The following ABCA8 variants were observed in gnomAD, a reference collection of about 807,000 sequenced individuals.
ABCA8 encodes the protein ATP binding cassette subfamily A member 8, also known as ABC-type organic anion transporter ABCA8.
In ABCA8, 177 loss-of-function variants were observed where a neutral mutation model predicts 192.3. The observed-to-expected ratio is 0.92, with a 90% CI of 0.81 to 1.04. The LOEUF is 1.04. Among genes scored for constraint, ABCA8 ranks in the 50% least tolerant of loss-of-function variants. ABCA8 has a pLI of 0.00. For synonymous variants in ABCA8, 642 were observed against 690.2 expected, an observed-to-expected ratio of 0.93 and a Z score of 1.09; for missense variants, 1,915 against 1,904.8, an observed-to-expected ratio of 1.01 and a Z score of -0.10.
chr17:68,902,517 A>C (rs954375967), intron 21 of ABCA8, among the ~76,000 whole-genome samples, 196 bp downstream of exon 21: 1 of 152,218 alleles, frequency 6.6e-6, no homozygotes, highest in Admixed American at 6.5e-5. Flanking sequence ...AGATGCCACC[A>C]GATGTTTCTC....
At chr17:68,938,607 A>G (rs1054604970) in intron 4 of ABCA8, among the ~76,000 whole-genome samples, 1 of 152,132 alleles carries the variant, frequency 6.6e-6, no homozygotes, top group Non-Finnish European at 1.5e-5. Context: ...ATACCATAAT[A>G]TTCACCCTTT....
At chr17:68,946,341 C>T (rs1390040597) in intron 2 of ABCA8, among the ~76,000 whole-genome samples, 2 of 152,150 alleles carry the variant, frequency 1.3e-5, no homozygotes, top group African/African-American at 2.4e-5. Flanking sequence ...GCTGGGATTA[C>T]AGGCGTGAGC....
rs752398782 is a variant in ABCA8 at position 68,868,317 on chromosome 17, T to C, written c.4751A>G (p.Gln1584Arg). ...SFDLEEYSLS[Q>R]STLEQVFLEL... ...ATGACCCACCTGCTCCAGGGTAGAC[T>C]GTGAGAGGCTGTACTCCTCTAGGTC... The change falls in exon 39 of 40, where the codon CAG becomes CGG. Residue 1584 changes from glutamine (Q) to arginine (R), a missense_variant. Coordinates refer to ENST00000586539, the MANE Select transcript of ABCA8 (RefSeq NM_001288985.2). 14 of 1,613,760 alleles carry C rather than the reference T, an allele frequency of 8.7e-6. No homozygotes were observed. Among genetic ancestry groups the C allele is most frequent in the Non-Finnish European group, 1.2e-5 (14 of 1,179,736 alleles).
chr17:68,869,634 G>T, intron 38 of ABCA8, 66 bp downstream of exon 38: 1 of 1,106,506 alleles, frequency 9.0e-7, no homozygotes, highest in South Asian at 1.3e-5. Flanking sequence ...TTGTCATAAA[G>T]GTGATTATTT....
intron 18 of ABCA8, among the ~76,000 whole-genome samples, chr17:68,906,643 T>C (rs956827623): frequency 6.6e-6 from 1 of 152,066 alleles, no homozygotes; most frequent in Non-Finnish European, 1.5e-5. Context: ...AGAGAAGACA[T>C]AGAATATAAA....
At chr17:68,875,577 C>G in intron 36 of ABCA8, 37 bp downstream of exon 36, 1 of 1,608,134 alleles carries the variant, frequency 6.2e-7, no homozygotes, top group Non-Finnish European at 8.5e-7. Context: ...CAGCAATGCA[C>G]CTTGGGCTCA....
At chr17:68,941,433 T>C (rs780782229) in intron 3 of ABCA8, among the ~76,000 whole-genome samples, 37 of 152,188 alleles carry the variant, frequency 2.4e-4, no homozygotes, top group Non-Finnish European at 5.0e-4. Flanking sequence ...TATACCAAAG[T>C]TTAATCAAGA....
chr17:68,869,821 C>T (rs1400643010), intron 37 of ABCA8, 42 bp from the exon 38 acceptor site: 2 of 1,371,040 alleles, frequency 1.5e-6, no homozygotes, highest in Non-Finnish European at 2.1e-6. Context: ...ACCACTTGTG[C>T]CAGATGTGAA....
Position 68,887,142 on chromosome 17 carries a change from A to C in ABCA8, c.3316-12T>G. 1 of 1,551,322 alleles carries C rather than the reference A, an allele frequency of 6.4e-7. No homozygotes were observed. The highest frequency in any genetic ancestry group is 8.8e-7 in the Non-Finnish European group (1 of 1,137,154). On this transcript the variant is annotated splice_polypyrimidine_tract_variant and intron_variant, in intron 25 of 39. Coordinates refer to ENST00000586539, the MANE Select transcript of ABCA8 (RefSeq NM_001288985.2). Reference sequence around the variant, plus strand: ...ACAGCACATGGGATCTAAAATCAACAGGAATGTGAAGCTTAGTTAAATACA... The same window carrying C: ...ACAGCACATGGGATCTAAAATCAACCGGAATGTGAAGCTTAGTTAAATACA...
At chr17:68,894,675 T>C in intron 22 of ABCA8, 1 of 576,636 alleles carries the variant, frequency 1.7e-6, no homozygotes, top group Non-Finnish European at 2.9e-6. Context: ...TAGTAGGTAT[T>C]CTATAGTATG....
intron 7 of ABCA8, among the ~76,000 whole-genome samples, chr17:68,931,077 T>C (rs2067858180): frequency 2.0e-5 from 3 of 152,188 alleles, no homozygotes; most frequent in Admixed American, 1.3e-4. Flanking sequence ...TGTTCCTCAG[T>C]CTCAAAGGAG....
chr17:68,931,333 G>T (rs1203700855), intron 7 of ABCA8, among the ~76,000 whole-genome samples: 1 of 152,144 alleles, frequency 6.6e-6, no homozygotes, highest in African/African-American at 2.4e-5. Flanking sequence ...CATTCATGGG[G>T]ATAAAGGATT....
chr17:68,894,129 C>T (rs943729885), intron 23 of ABCA8, 44 bp downstream of exon 23: 6 of 1,600,704 alleles, frequency 3.7e-6, no homozygotes, highest in Middle Eastern at 1.7e-4. Context: ...CTGGGAGATT[C>T]CTGATAGAGG....
chr17:68,876,846 A>G (rs1444816450), intron 33 of ABCA8, 143 bp from the exon 34 acceptor site: 5 of 900,326 alleles, frequency 5.6e-6, no homozygotes, highest in Non-Finnish European at 8.5e-6. Flanking sequence ...GAGGGGTGAT[A>G]TTACTGGCTG....
At chr17:68,925,233 G>A (rs2067665430) in intron 10 of ABCA8, among the ~76,000 whole-genome samples, 1 of 140,702 alleles carries the variant, frequency 7.1e-6, no homozygotes, top group African/African-American at 2.6e-5. Context: ...AAAGAAAGAA[G>A]AAATTGAGAA....
Position 68,933,260 on chromosome 17 carries a change from C to G in ABCA8, c.478G>C (p.Glu160Gln), listed in dbSNP as rs748251869. The part of the protein sequence containing the change: ...EHKDHTAHCY[E>Q]TNEDVYCEVS... ...TCACAGTAAACATCTTCATTTGTTT[C>G]ATAACAATGAGCTTTGTGAAAAAAC... Residue 160 changes from glutamate to glutamine, a missense_variant, in exon 6 of 40, where the codon GAA becomes CAA. Transcript: ENST00000586539. 29 of 1,607,144 alleles carry G rather than the reference C, an allele frequency of 1.8e-5. 1 individual carries two copies. In the Middle Eastern group the frequency reaches 6.6e-4, roughly 37 times the overall value.
At chr17:68,948,221 C>T (rs529511313) in intron 2 of ABCA8, among the ~76,000 whole-genome samples, 2 of 152,208 alleles carry the variant, frequency 1.3e-5, no homozygotes, top group South Asian at 4.1e-4. Flanking sequence ...GTGCAAGTGT[C>T]TTTATAGTAG....
intron 23 of ABCA8, chr17:68,893,955 C>A: frequency 7.7e-6 from 3 of 388,910 alleles, no homozygotes; most frequent in South Asian, 4.4e-5. Context: ...TCTCATTATT[C>A]TCTTTGAAAA....
rs1203943083 is a variant in ABCA8, at chr17:68,868,345, A to G, written c.4723T>C (p.Phe1575Leu). 6.2e-7 allele frequency: 1 copy of G among 1,613,630 alleles called. No homozygotes were observed. The highest frequency in any genetic ancestry group is 2.2e-5 in the East Asian group (1 of 44,870). ...FFKLEKVKQS[F>L]DLEEYSLSQS... ...GAGAGGCTGTACTCCTCTAGGTCAA[A>G]GCTCTGTTTAACTGCATAGGGATGA... Residue 1575 changes from phenylalanine to leucine, a missense_variant, in exon 39 of 40, where the codon TTT becomes CTT. Transcript: ENST00000586539.
Sources: allele counts gnomAD v4.1 joint callset (sites outside exome capture counted in the v4.1 genomes callset), GRCh38; gene constraint gnomAD v4.1.1; transcripts MANE v1.5; gene names NCBI Gene and HGNC (gene_info 2026-07-23, HGNC 2026-07-21).